EYA1: variants seen among roughly 807,000 people sequenced by gnomAD.
EYA1 encodes protein phosphatase EYA1.
A neutral mutation model predicts 82.0 loss-of-function variants in EYA1; 16 were observed. The ratio of observed to expected loss-of-function variants is 0.20; its 90% CI spans 0.13 to 0.30. The LOEUF is 0.30. Among genes scored for constraint, EYA1 ranks in the 10% least tolerant of loss-of-function variants. EYA1 has a pLI of 1.00. For synonymous variants in EYA1, 261 were observed against 264.4 expected (o/e 0.99, Z 0.12); for missense variants, 633 against 730.7 (o/e 0.87, Z 1.54).
At chr8:71,521,874 C>G (rs1813426506) in intron 2 of EYA1, among the ~76,000 whole-genome samples, 1 of 152,070 alleles carries the variant, frequency 6.6e-6, no homozygotes, top group African/African-American at 2.4e-5. Context: ...AACTATCAAT[C>G]TGAGCTTCTA....
At chr8:71,491,225 A>T (rs1810975246) in intron 2 of EYA1, among the ~76,000 whole-genome samples, 1 of 152,116 alleles carries the variant, frequency 6.6e-6, no homozygotes, top group South Asian at 2.1e-4. Flanking sequence ...TACTTTCTGC[A>T]TTTCATTGTG....
chr8:71,465,345 G>A (rs746051088), intron 2 of EYA1, among the ~76,000 whole-genome samples: 89 of 152,290 alleles, frequency 5.8e-4, no homozygotes, highest in Non-Finnish European at 1.1e-3. Flanking sequence ...AGAAGAGGCC[G>A]GGTGTGGTAG....
intron 12 of EYA1, among the ~76,000 whole-genome samples, chr8:71,219,588 T>C (rs1443734763): frequency 6.6e-6 from 1 of 152,214 alleles, no homozygotes; most frequent in African/African-American, 2.4e-5. Context: ...TTACAAATAA[T>C]GACATAAAAT....
At chr8:71,447,908 G>T (rs1807019001) in intron 2 of EYA1, among the ~76,000 whole-genome samples, 1 of 151,960 alleles carries the variant, frequency 6.6e-6, no homozygotes, top group African/African-American at 2.4e-5. Flanking sequence ...GATGGCTGTG[G>T]CAATTCCTTA....
At chr8:71,441,716 T>C (rs1288863252) in intron 2 of EYA1, among the ~76,000 whole-genome samples, 1 of 152,208 alleles carries the variant, frequency 6.6e-6, no homozygotes, top group African/African-American at 2.4e-5. Context: ...TAATGAGGTA[T>C]AATAATATAG....
intron 9 of EYA1, 41 bp downstream of exon 9, chr8:71,299,006 G>T (rs1304791371): frequency 6.3e-7 from 1 of 1,589,268 alleles, no homozygotes; most frequent in Non-Finnish European, 8.6e-7. Flanking sequence ...TGAAACCATT[G>T]AAAATATCAC....
chr8:71,324,443 C>G (rs745636237), intron 4 of EYA1, among the ~76,000 whole-genome samples: 1 of 152,124 alleles, frequency 6.6e-6, no homozygotes, highest in Non-Finnish European at 1.5e-5. Flanking sequence ...CATATGTTCT[C>G]CTATAAAATG....
chr8:71,346,987 C>T (rs1294020267), intron 3 of EYA1, among the ~76,000 whole-genome samples: 1 of 152,180 alleles, frequency 6.6e-6, no homozygotes, highest in African/African-American at 2.4e-5. Flanking sequence ...ACTTGTGTCC[C>T]TGCTTCGAGA....
chr8:71,427,951 C>A (rs1805351089), intron 2 of EYA1, among the ~76,000 whole-genome samples: 2 of 149,694 alleles, frequency 1.3e-5, no homozygotes, highest in Admixed American at 1.3e-4. Context: ...TTACACTAAG[C>A]CTGGGGGACA....
intron 2 of EYA1, among the ~76,000 whole-genome samples, chr8:71,512,634 T>C (rs1483278910): frequency 1.3e-5 from 2 of 151,896 alleles, no homozygotes; most frequent in African/African-American, 2.4e-5. Context: ...ATAAAAGATA[T>C]ATGAGGGACA....
rs192251332 is a variant in EYA1 at position 71,387,856 on chromosome 8, G to A, written c.34-31345C>T. Reference sequence around the variant, plus strand: ...ATGCAGTGGAGACTAAAGCATGAGGGCAGTGGAGAACAATTAGGGTGAGTG... The same window carrying A: ...ATGCAGTGGAGACTAAAGCATGAGGACAGTGGAGAACAATTAGGGTGAGTG... On this transcript the variant is annotated intron_variant, in intron 2 of 18. Transcript: ENST00000643681. Among the ~76,000 whole-genome samples, 11 of 152,194 alleles carry A rather than the reference G, an allele frequency of 7.2e-5. No homozygotes were observed. The East Asian group carries it at 2.1e-3, about 29-fold the overall frequency.
At chr8:71,358,806 A>T (rs1389157743) in intron 1 of EYA1, among the ~76,000 whole-genome samples, 1 of 152,150 alleles carries the variant, frequency 6.6e-6, no homozygotes, top group African/African-American at 2.4e-5. Context: ...TGTCTTGTAA[A>T]GGTCTAAAAC....
intron 2 of EYA1, among the ~76,000 whole-genome samples, chr8:71,497,179 A>T (rs1811476565): frequency 6.6e-6 from 1 of 152,236 alleles, no homozygotes. Context: ...TGGGCCATAC[A>T]TAAAATATAA....
intron 2 of EYA1, among the ~76,000 whole-genome samples, chr8:71,495,659 T>C (rs1283752467): frequency 1.3e-5 from 2 of 152,134 alleles, no homozygotes; most frequent in Non-Finnish European, 2.9e-5. Context: ...TAGCAATGAT[T>C]GGAACTACTT....
chr8:71,523,322 G>GCCACCCGGGTAGCTGGGA (rs1221181587), intron 2 of EYA1, among the ~76,000 whole-genome samples: 2 of 151,846 alleles, frequency 1.3e-5, no homozygotes, highest in Non-Finnish European at 2.9e-5. Context: ...GGGACTACAG[G>GCCACCCGGGTAGCTGGGA]CACCCGCCAC....
At position 71,322,222 on chromosome 8, in the gene EYA1, A is replaced by T; in HGVS notation, c.249T>A (p.Ser83=). The change falls in exon 5 of 18, where the codon TCT becomes TCA. Residue 83 remains serine, a synonymous_variant. Coordinates refer to ENST00000340726, the MANE Select transcript of EYA1 (RefSeq NM_000503.6). ...SFSPRPTHQF[S]PPQIYPSNRP... ...ACTTGGAAGGGTAAATCTGTGGTGG[A>T]GAGAACTGGTGAGTTGGTCGTGGGC... 6.2e-7 allele frequency: 1 copy of T among 1,614,066 alleles called. No homozygotes were observed. The highest frequency in any genetic ancestry group is 8.5e-7 in the Non-Finnish European group (1 of 1,179,902).
chr8:71,354,047 A>G (rs1299103611), intron 3 of EYA1, among the ~76,000 whole-genome samples: 2 of 152,176 alleles, frequency 1.3e-5, no homozygotes, highest in African/African-American at 4.8e-5. Context: ...ATGACTGTAT[A>G]ACAGGTAGCA....
chr8:71,393,768 C>G (rs577164993), intron 2 of EYA1, among the ~76,000 whole-genome samples: 1 of 152,184 alleles, frequency 6.6e-6, no homozygotes, highest in Non-Finnish European at 1.5e-5. Context: ...GTGCATGTGT[C>G]TTAATAGCAG....
At chr8:71,427,225 T>G (rs957380278) in intron 2 of EYA1, among the ~76,000 whole-genome samples, 6 of 152,222 alleles carry the variant, frequency 3.9e-5, no homozygotes, top group Non-Finnish European at 8.8e-5. Context: ...GCCTTGCTGT[T>G]GCTTCGGATG....
Sources: allele counts gnomAD v4.1 joint callset (sites outside exome capture counted in the v4.1 genomes callset), GRCh38; gene constraint gnomAD v4.1.1; transcripts MANE v1.5; gene names NCBI Gene and HGNC (gene_info 2026-07-23, HGNC 2026-07-21).